ITK: variants seen among roughly 807,000 people sequenced by gnomAD.
The protein encoded by ITK is tyrosine-protein kinase ITK/TSK.
Under a neutral mutation model 87.6 loss-of-function variants are expected in ITK, and 45 were observed. The ratio of observed to expected loss-of-function variants is 0.51; its 90% CI spans 0.40 to 0.66. ITK has a LOEUF of 0.66. ITK is among the 30% of genes least tolerant of loss of function. The probability of loss-of-function intolerance (pLI) is 0.00; values close to 1 mark genes in which losing one functional copy is unlikely to be tolerated. For synonymous variants in ITK, 303 were observed against 273.6 expected, an observed-to-expected ratio of 1.11 and a Z score of -1.06; for missense variants, 605 against 766.3, an observed-to-expected ratio of 0.79 and a Z score of 2.48.
At chr5:157,208,043 T>C (rs1257825465) in intron 1 of ITK, among the ~76,000 whole-genome samples, 2 of 152,186 alleles carry the variant, frequency 1.3e-5, no homozygotes, top group African/African-American at 4.8e-5. Context: ...ATTCCATAGC[T>C]GAATTCTCAA....
intron 1 of ITK, among the ~76,000 whole-genome samples, chr5:157,187,310 A>C (rs552425657): frequency 6.6e-6 from 1 of 152,360 alleles, no homozygotes; most frequent in African/African-American, 2.4e-5. Context: ...GTTGATAAAG[A>C]TGGCCTTGCC....
intron 7 of ITK, 116 bp from the exon 8 acceptor site, chr5:157,232,224 T>A: frequency 2.7e-6 from 2 of 741,582 alleles, no homozygotes; most frequent in Non-Finnish European, 4.7e-6. Flanking sequence ...TTAAAATTTT[T>A]TTAAAGCACT....
At chr5:157,206,494 C>A (rs35457848) in intron 1 of ITK, among the ~76,000 whole-genome samples, 30,844 of 151,966 alleles carry the variant, frequency 0.2, 4,004 homozygotes, top group East Asian at 0.51. Flanking sequence ...TGGTAGAATT[C>A]GGCTGTGAAT....
chr5:157,214,594 C>G (rs556971674), intron 4 of ITK, among the ~76,000 whole-genome samples: 2 of 152,186 alleles, frequency 1.3e-5, no homozygotes, highest in African/African-American at 4.8e-5. Context: ...TCTGGCCCCA[C>G]TCATGACCTA....
Position 157,181,031 on chromosome 5 carries a change from G to T in ITK, c.54G>T (p.Lys18Asn). 1 of 1,613,996 alleles carries T rather than the reference G, an allele frequency of 6.2e-7. No homozygotes were observed. Among genetic ancestry groups the T allele is most frequent in the Non-Finnish European group, 8.5e-7 (1 of 1,179,882 alleles). The part of the protein sequence containing the change: ...EEQLIKKSQQ[K>N]RRTSPSNFKV... ...AGCTCATCAAGAAATCCCAACAAAA[G>T]AGAAGAACTTCTCCCTCGAACTTTA... Residue 18 changes from lysine (K) to asparagine (N), a missense_variant, in exon 1 of 17, where the codon AAG becomes AAT. This residue lies in a region of ITK where 464 missense variants were observed against 578.0 expected (regional missense o/e 0.80). Coordinates refer to ENST00000422843, the MANE Select transcript of ITK (RefSeq NM_005546.4).
chr5:157,241,095 A>T (rs1754885930), intron 10 of ITK: 1 of 153,268 alleles, frequency 6.5e-6, no homozygotes, highest in Non-Finnish European at 1.4e-5. Context: ...GTGCCACCAC[A>T]TCCCGCTAAT....
At chr5:157,221,385 A>T (rs1033327324) in intron 5 of ITK, among the ~76,000 whole-genome samples, 5 of 152,170 alleles carry the variant, frequency 3.3e-5, no homozygotes, top group African/African-American at 1.2e-4. Flanking sequence ...AGTACTTTGG[A>T]TAGGGTACAG....
chr5:157,211,252 G>T (rs374890618), intron 2 of ITK, 35 bp from the exon 3 acceptor site: 3 of 1,569,412 alleles, frequency 1.9e-6, no homozygotes, highest in Admixed American at 1.7e-5. Flanking sequence ...CTCCATGCAC[G>T]CTGCTCACCT....
intron 1 of ITK, 135 bp from the exon 2 acceptor site, chr5:157,208,754 T>G (rs192490537): frequency 2.9e-6 from 2 of 699,030 alleles, no homozygotes; most frequent in East Asian, 2.7e-5. Flanking sequence ...GAGGCAGTTT[T>G]GGATATTTGG....
At chr5:157,189,568 C>A (rs565327438) in intron 1 of ITK, among the ~76,000 whole-genome samples, 87 of 152,298 alleles carry the variant, frequency 5.7e-4, no homozygotes, top group African/African-American at 1.9e-3. Flanking sequence ...GTAATCTCAG[C>A]TACTTGAAAG....
chr5:157,202,134 C>A (rs142435813), intron 1 of ITK, among the ~76,000 whole-genome samples: 195 of 152,302 alleles, frequency 1.3e-3, no homozygotes, highest in African/African-American at 4.3e-3. Context: ...CAACTCTACC[C>A]ATGTCGCTGC....
intron 1 of ITK, among the ~76,000 whole-genome samples, chr5:157,186,089 A>G (rs1307115476): frequency 6.6e-6 from 1 of 152,178 alleles, no homozygotes; most frequent in Non-Finnish European, 1.5e-5. Context: ...AACTTGCCTG[A>G]TGTCCCACGT....
chr5:157,234,807 A>T (rs1408911483), intron 8 of ITK, among the ~76,000 whole-genome samples: 3 of 152,142 alleles, frequency 2.0e-5, no homozygotes, highest in African/African-American at 7.2e-5. Flanking sequence ...TAGGGGAGAG[A>T]TAGGATTAGG....
intron 3 of ITK, among the ~76,000 whole-genome samples, chr5:157,213,253 T>G (rs1754228408): frequency 6.6e-6 from 1 of 152,142 alleles, no homozygotes. Flanking sequence ...TCATGAGAAC[T>G]CACGTATTAT....
In ITK at chr5:157,239,129, G is replaced by A. The variant is rs567406633; in HGVS notation, c.852-933G>A. Among the ~76,000 whole-genome samples the A allele has an allele frequency of 2.0e-5, 3 of 152,168 alleles. No individual in the cohort carries two copies. In the South Asian group the frequency reaches 6.2e-4, roughly 32 times the overall value. On this transcript the variant is annotated intron_variant, in intron 9 of 16. Transcript: ENST00000422843. ...AACCCCACAGGTATGACGGAGAAGGGATGAAACAAAGTCTGTGTCGAGGCT... is the reference window on the plus strand; with the variant it reads ...AACCCCACAGGTATGACGGAGAAGGAATGAAACAAAGTCTGTGTCGAGGCT...
intron 1 of ITK, among the ~76,000 whole-genome samples, chr5:157,187,275 C>G (rs1036737633): frequency 3.9e-5 from 6 of 152,318 alleles, no homozygotes; most frequent in Middle Eastern, 6.8e-3. Context: ...ATTGAACTAT[C>G]AGCTTTATGA....
At chr5:157,200,310 T>C (rs973065206) in intron 1 of ITK, among the ~76,000 whole-genome samples, 1 of 152,080 alleles carries the variant, frequency 6.6e-6, no homozygotes, top group Non-Finnish European at 1.5e-5. Flanking sequence ...GTAAGCAAGG[T>C]CCTGTGACTT....
In ITK at chr5:157,202,133, C is replaced by G. The variant is rs182553698; in HGVS notation, c.139-6756C>G. Among the ~76,000 whole-genome samples, 735 of 152,298 alleles carry G rather than the reference C, an allele frequency of 4.8e-3. 7 individuals carry two copies. The highest frequency in any genetic ancestry group is 7.5e-3 in the Non-Finnish European group (510 of 68,022). On this transcript the variant is annotated intron_variant, in intron 1 of 16. Coordinates refer to ENST00000422843, the MANE Select transcript of ITK (RefSeq NM_005546.4). ...TTGGGCTAATGGCCTCCAACTCTAC[C>G]CATGTCGCTGCAAAGGACACAATCT...
chr5:157,239,946 T>C, intron 9 of ITK, 116 bp from the exon 10 acceptor site: 1 of 1,025,060 alleles, frequency 9.8e-7, no homozygotes. Flanking sequence ...GAACAATATC[T>C]GCCACCTTGT....
Sources: allele counts gnomAD v4.1 joint callset (sites outside exome capture counted in the v4.1 genomes callset), GRCh38; gene constraint gnomAD v4.1.1; regional missense constraint gnomAD v4.1.1; transcripts MANE v1.5; gene names NCBI Gene and HGNC (gene_info 2026-07-23, HGNC 2026-07-21).